The following ARMC2 variants were observed in gnomAD, a reference collection of about 807,000 sequenced individuals.
The protein encoded by ARMC2 is armadillo repeat-containing protein 2.
Under a neutral mutation model 90.3 loss-of-function variants are expected in ARMC2, and 67 were observed. That is an observed-to-expected ratio of 0.74 (90% CI 0.61 to 0.91). The LOEUF (loss-of-function observed/expected upper bound fraction) is 0.91. ARMC2 is among the 40% of genes least tolerant of loss of function. The probability of loss-of-function intolerance (pLI) is 0.00; values close to 1 mark genes in which losing one functional copy is unlikely to be tolerated. For missense variants in ARMC2, 920 were observed against 1,030.9 expected, an observed-to-expected ratio of 0.89 and a Z score of 1.47; for synonymous variants, 393 against 393.0, an observed-to-expected ratio of 1.00 and a Z score of 0.00.
chr6:108,965,216 T>C, intron 17 of ARMC2, 76 bp downstream of exon 17: 1 of 1,271,960 alleles, frequency 7.9e-7, no homozygotes, highest in Admixed American at 2.0e-5. Flanking sequence ...CCTGTTCGGA[T>C]AAATATTAGT....
At chr6:109,029,420 T>G in the ARMC2 span, among the ~76,000 whole-genome samples, 2 of 152,246 alleles carry the variant, frequency 1.3e-5, no homozygotes, top group African/African-American at 2.4e-5. Context: ...TTAAATCTTT[T>G]TCTTGAGTGT....
At chr6:109,043,401 A>C in the ARMC2 span, among the ~76,000 whole-genome samples, 38 of 152,232 alleles carry the variant, frequency 2.5e-4, no homozygotes, top group African/African-American at 8.7e-4. Flanking sequence ...ACAACAACAA[A>C]AACAACAAAC....
chr6:109,047,009 T>TA, the ARMC2 span, among the ~76,000 whole-genome samples: 1 of 46,184 alleles, frequency 2.2e-5, no homozygotes, highest in African/African-American at 9.0e-5. Context: ...GTCAGCCCCC[T>TA]GCCCGGCCAG....
At chr6:108,913,987 G>A (rs1773693983) in intron 10 of ARMC2, among the ~76,000 whole-genome samples, 1 of 152,142 alleles carries the variant, frequency 6.6e-6, no homozygotes, top group Non-Finnish European at 1.5e-5. Context: ...TCTGTGATTA[G>A]GATATATCTC....
the ARMC2 span, among the ~76,000 whole-genome samples, chr6:109,034,901 A>T: frequency 0.092 from 14,028 of 152,258 alleles, 865 homozygotes; most frequent in Middle Eastern, 0.2. Flanking sequence ...ATTTACAAGG[A>T]AGAAAAATAA....
At chr6:108,915,244 C>A (rs1247353855) in intron 10 of ARMC2, among the ~76,000 whole-genome samples, 2 of 152,156 alleles carry the variant, frequency 1.3e-5, no homozygotes, top group Admixed American at 1.3e-4. Context: ...GTGTGAGTTA[C>A]TGTGCCTGGC....
downstream of ARMC2, among the ~76,000 whole-genome samples, chr6:108,978,169 A>T (rs1779021726): frequency 6.6e-6 from 1 of 152,168 alleles, no homozygotes. Flanking sequence ...CACTGCTTTA[A>T]ATATGTCCCA....
At chr6:108,914,124 T>G (rs1773708374) in intron 10 of ARMC2, among the ~76,000 whole-genome samples, 1 of 152,192 alleles carries the variant, frequency 6.6e-6, no homozygotes, top group South Asian at 2.1e-4. Flanking sequence ...TGTGGTTTGC[T>G]GTTTGCATCA....
the ARMC2 span, among the ~76,000 whole-genome samples, chr6:108,995,400 C>T: frequency 6.6e-6 from 1 of 152,196 alleles, no homozygotes; most frequent in East Asian, 1.9e-4. Flanking sequence ...AAGATGTCTA[C>T]ATGGCTGGAG....
chr6:108,909,056 G>A (rs982250197), intron 8 of ARMC2, among the ~76,000 whole-genome samples: 1 of 152,184 alleles, frequency 6.6e-6, no homozygotes, highest in African/African-American at 2.4e-5. Context: ...GGGAAGAAGA[G>A]TGAAACTCCA....
intron 3 of ARMC2, among the ~76,000 whole-genome samples, chr6:108,864,380 C>T (rs978424085): frequency 6.6e-6 from 1 of 151,486 alleles, no homozygotes; most frequent in African/African-American, 2.4e-5. Context: ...TCCCAAGTAG[C>T]TGGGACTACA....
chr6:108,946,915 C>T (rs1409709520), intron 12 of ARMC2, among the ~76,000 whole-genome samples: 1 of 152,104 alleles, frequency 6.6e-6, no homozygotes, highest in Non-Finnish European at 1.5e-5. Flanking sequence ...GGAATGTGTT[C>T]ACTGTGGCTG....
intron 3 of ARMC2, among the ~76,000 whole-genome samples, chr6:108,860,156 A>G (rs1775075757): frequency 6.6e-6 from 1 of 151,222 alleles, no homozygotes; most frequent in Admixed American, 6.6e-5. Flanking sequence ...CATATTTTTA[A>G]TTTTCAAAAG....
At chr6:109,022,304 T>C in the ARMC2 span, among the ~76,000 whole-genome samples, 9 of 152,114 alleles carry the variant, frequency 5.9e-5, no homozygotes, top group African/African-American at 2.2e-4. Context: ...TAACTCAGAT[T>C]TTTAATCTAA....
chr6:108,960,448 C>G (rs1038084552), intron 13 of ARMC2, among the ~76,000 whole-genome samples: 1 of 152,200 alleles, frequency 6.6e-6, no homozygotes, highest in Admixed American at 6.5e-5. Flanking sequence ...GCCTTATGTG[C>G]TAAGCTAGAG....
intron 3 of ARMC2, among the ~76,000 whole-genome samples, chr6:108,862,213 G>A (rs1039857494): frequency 2.6e-5 from 4 of 151,828 alleles, no homozygotes; most frequent in African/African-American, 7.2e-5. Context: ...GTGTGGTGGC[G>A]CATGCCTCTA....
rs144900017 is a variant in ARMC2, at chr6:108,889,111, G to A, written c.672-5356G>A. Among the ~76,000 whole-genome samples, 258 of 152,168 alleles carry A rather than the reference G, an allele frequency of 1.7e-3. 2 individuals carry two copies. The highest frequency in any genetic ancestry group is 5.8e-3 in the African/African-American group (241 of 41,504). ...CACTCATGCTATTCCCCTTCTGAGA[G>A]TAGTGTTGTCATTTGCTGGTTTAAC... On this transcript the variant is annotated intron_variant, in intron 5 of 17. Coordinates refer to ENST00000392644, the MANE Select transcript of ARMC2 (RefSeq NM_032131.6).
At position 108,962,035 on chromosome 6, in the gene ARMC2, G is replaced by A; in HGVS notation, c.2060G>A (p.Ser687Asn). The A allele has an allele frequency of 6.2e-7, 1 of 1,612,012 alleles. No individual in the cohort carries two copies. The highest frequency in any genetic ancestry group is 8.5e-7 in the Non-Finnish European group (1 of 1,179,332). Reference protein sequence around the residue: ...IAELLLKLLVSNNMDGILEAV... With the variant: ...IAELLLKLLVNNNMDGILEAV... ...CCAGTGCTCTTAAAGCTTCTTGTCA[G>A]TAACAACATGGATGGAATCCTGGAG... Residue 687 changes from serine (S) to asparagine (N), a missense_variant, in exon 15 of 18, where the codon AGT (serine) becomes AAT (asparagine). Ser to Asn is a conservative substitution (Grantham distance 46). Coordinates refer to ENST00000392644, the MANE Select transcript of ARMC2 (RefSeq NM_032131.6).
Position 108,940,786 on chromosome 6 carries a change from G to A in ARMC2, c.1596+3787G>A, listed in dbSNP as rs566017762. On this transcript the variant is annotated intron_variant, in intron 12 of 17. Coordinates refer to ENST00000392644, the MANE Select transcript of ARMC2 (RefSeq NM_032131.6). The stretch of plus-strand genomic sequence containing the variant: ...TTTTCATTAAAAGGAAAACCTTACC[G>A]AGGACCTCCTTACCCTCACTATCTG... Among the ~76,000 whole-genome samples the A allele has an allele frequency of 7.9e-5, 12 of 152,222 alleles. No individual in the cohort carries two copies. In the South Asian group the frequency reaches 2.5e-3, roughly 32 times the overall value.
Sources: gnomAD v4.1 joint callset for allele counts (sites outside exome capture counted in the v4.1 genomes callset) on GRCh38, gnomAD v4.1.1 for gene constraint, MANE v1.5 for transcripts, NCBI Gene and HGNC (gene_info 2026-07-23, HGNC 2026-07-21) for gene names.